The following SIPA1L1 variants were observed in gnomAD, a reference collection of about 807,000 sequenced individuals.
SIPA1L1 encodes the protein signal-induced proliferation-associated 1-like protein 1.
In SIPA1L1, 26 loss-of-function variants were observed where a neutral mutation model predicts 162.7. That is an observed-to-expected ratio of 0.16 (90% CI 0.12 to 0.22). SIPA1L1 has a LOEUF of 0.22. SIPA1L1 is among the 10% of genes least tolerant of loss of function. The probability of loss-of-function intolerance (pLI) is 1.00; values close to 1 mark genes in which losing one functional copy is unlikely to be tolerated. For missense variants in SIPA1L1, 1,874 were observed against 2,241.0 expected, an observed-to-expected ratio of 0.84 and a Z score of 3.31; for synonymous variants, 829 against 837.4, an observed-to-expected ratio of 0.99 and a Z score of 0.17.
At chr14:71,731,277 G>A (rs1434413615) in intron 20 of SIPA1L1, among the ~76,000 whole-genome samples, 1 of 152,066 alleles carries the variant, frequency 6.6e-6, no homozygotes, top group Non-Finnish European at 1.5e-5. Context: ...GTTCAGCAGC[G>A]CAGTCCCACC....
chr14:71,399,686 G>A (rs531139314), intron 2 of SIPA1L1, among the ~76,000 whole-genome samples: 1 of 151,970 alleles, frequency 6.6e-6, no homozygotes, highest in East Asian at 1.9e-4. Context: ...GGGATTACAG[G>A]TGCAGGTATA....
At chr14:71,580,988 A>G (rs113663631) in intron 4 of SIPA1L1, among the ~76,000 whole-genome samples, 8 of 152,208 alleles carry the variant, frequency 5.3e-5, no homozygotes, top group South Asian at 2.1e-4. Context: ...CTGCCTGTCT[A>G]TCTGTCTATC....
intron 3 of SIPA1L1, among the ~76,000 whole-genome samples, chr14:71,525,567 T>C (rs959256455): frequency 6.6e-5 from 10 of 152,204 alleles, no homozygotes; most frequent in African/African-American, 2.4e-4. Flanking sequence ...GCCCATACAA[T>C]AGAACGTAAA....
At chr14:71,674,657 C>T (rs376967579) in intron 12 of SIPA1L1, among the ~76,000 whole-genome samples, 13 of 150,276 alleles carry the variant, frequency 8.7e-5, no homozygotes, top group South Asian at 2.1e-4. Flanking sequence ...CTCCGCCTCC[C>T]GGGTTCACGC....
At chr14:71,468,054 GTGTC>G (rs970059494) in intron 2 of SIPA1L1, among the ~76,000 whole-genome samples, 15 of 151,202 alleles carry the variant, frequency 9.9e-5, no homozygotes, top group African/African-American at 2.7e-4. Flanking sequence ...GTGTCTGTCT[GTGTC>G]TGTCTGTCTG....
At chr14:71,558,945 A>G (rs988948207) in intron 4 of SIPA1L1, among the ~76,000 whole-genome samples, 2 of 152,134 alleles carry the variant, frequency 1.3e-5, no homozygotes, top group African/African-American at 4.8e-5. Context: ...TGACCTCCCA[A>G]AATGTTGGGA....
intron 2 of SIPA1L1, among the ~76,000 whole-genome samples, chr14:71,497,587 G>A (rs1277996785): frequency 6.6e-6 from 1 of 152,140 alleles, no homozygotes; most frequent in African/African-American, 2.4e-5. Context: ...AAATTGGGAT[G>A]TTATATAAGT....
chr14:71,703,481 G>A (rs2082231860), intron 15 of SIPA1L1, among the ~76,000 whole-genome samples: 1 of 152,210 alleles, frequency 6.6e-6, no homozygotes, highest in Non-Finnish European at 1.5e-5. Context: ...CCTAGGTTCT[G>A]AAGATATGCT....
At chr14:71,693,857 T>C (rs2081427778) in intron 13 of SIPA1L1, among the ~76,000 whole-genome samples, 1 of 152,184 alleles carries the variant, frequency 6.6e-6, no homozygotes, top group Non-Finnish European at 1.5e-5. Flanking sequence ...TGCTTAATTA[T>C]GGACTCAAGC....
intron 17 of SIPA1L1, among the ~76,000 whole-genome samples, chr14:71,723,148 G>A (rs551930500): frequency 1.3e-5 from 2 of 152,236 alleles, no homozygotes; most frequent in Non-Finnish European, 2.9e-5. Context: ...CTGCCATGGG[G>A]AAGGAGCACT....
intron 10 of SIPA1L1, among the ~76,000 whole-genome samples, chr14:71,665,806 A>G (rs1238284260): frequency 1.3e-5 from 2 of 152,144 alleles, no homozygotes; most frequent in Non-Finnish European, 2.9e-5. Context: ...TTCCTATATG[A>G]TAACGTTTAA....
At chr14:71,531,251 C>T (rs1239823224) in intron 4 of SIPA1L1, among the ~76,000 whole-genome samples, 2 of 150,872 alleles carry the variant, frequency 1.3e-5, no homozygotes, top group African/African-American at 2.4e-5. Flanking sequence ...CTTCTGGCAT[C>T]ATTTTTCTGC....
chr14:71,340,249 T>C (rs1357034955), intron 2 of SIPA1L1, among the ~76,000 whole-genome samples: 1 of 152,182 alleles, frequency 6.6e-6, no homozygotes, highest in Non-Finnish European at 1.5e-5. Flanking sequence ...GACTGTTTTT[T>C]TTTTCGTATC....
chr14:71,583,325 C>T (rs1262451287), intron 4 of SIPA1L1, among the ~76,000 whole-genome samples: 1 of 152,128 alleles, frequency 6.6e-6, no homozygotes, highest in Non-Finnish European at 1.5e-5. Context: ...AAGTGTATAT[C>T]TCTGAATTAT....
chr14:71,575,505 G>A (rs2032884056), intron 4 of SIPA1L1, among the ~76,000 whole-genome samples: 1 of 152,072 alleles, frequency 6.6e-6, no homozygotes, highest in Non-Finnish European at 1.5e-5. Context: ...GACTTGTGTG[G>A]GGAGAAAAAT....
At chr14:71,700,538 T>G (rs1035817256) in intron 14 of SIPA1L1, among the ~76,000 whole-genome samples, 1 of 152,238 alleles carries the variant, frequency 6.6e-6, no homozygotes, top group African/African-American at 2.4e-5. Flanking sequence ...GTGAGTCCTT[T>G]TTTTAAATGA....
chr14:71,614,232 A>AT (rs2038565740), intron 5 of SIPA1L1, among the ~76,000 whole-genome samples: 1 of 151,776 alleles, frequency 6.6e-6, no homozygotes, highest in African/African-American at 2.4e-5. Context: ...AAAAAAAAAA[A>AT]CAAAAACCTG....
intron 5 of SIPA1L1, among the ~76,000 whole-genome samples, chr14:71,603,794 A>G (rs1347922803): frequency 6.6e-6 from 1 of 151,514 alleles, no homozygotes; most frequent in Non-Finnish European, 1.5e-5. Flanking sequence ...ACGTGCGTGT[A>G]ATCCCAGCTA....
intron 2 of SIPA1L1, among the ~76,000 whole-genome samples, chr14:71,324,171 G>A (rs987789091): frequency 2.0e-5 from 3 of 152,174 alleles, no homozygotes; most frequent in Admixed American, 6.5e-5. Context: ...AAACTATAAA[G>A]TCTTATTTGT....
Sources: allele counts gnomAD v4.1 joint callset (sites outside exome capture counted in the v4.1 genomes callset), GRCh38; gene constraint gnomAD v4.1.1; transcripts MANE v1.5; gene names NCBI Gene and HGNC (gene_info 2026-07-23, HGNC 2026-07-21).